Variants in THSD4 observed in about 807,000 individuals in gnomAD.
The protein encoded by THSD4 is thrombospondin type 1 domain containing 4.
A neutral mutation model predicts 119.0 loss-of-function variants in THSD4; 69 were observed. The ratio of observed to expected loss-of-function variants is 0.58; its 90% CI spans 0.48 to 0.71. THSD4 has a LOEUF of 0.71. Ranked by LOEUF, THSD4 falls within the 30% of genes least tolerant of loss-of-function variation. THSD4 has a pLI of 0.00. For synonymous variants in THSD4, 524 were observed against 540.4 expected (o/e 0.97, Z 0.42); for missense variants, 1,393 against 1,391.1 (o/e 1.00, Z -0.02).
At chr15:71,412,184 C>T (rs1350986833) in intron 7 of THSD4, among the ~76,000 whole-genome samples, 4 of 152,146 alleles carry the variant, frequency 2.6e-5, no homozygotes, top group Non-Finnish European at 2.9e-5. Flanking sequence ...AATTGGTTGG[C>T]GTCATGAGGG....
At chr15:71,267,696 G>C (rs1262129382) in intron 6 of THSD4, among the ~76,000 whole-genome samples, 4 of 152,198 alleles carry the variant, frequency 2.6e-5, no homozygotes, top group Non-Finnish European at 5.9e-5. Flanking sequence ...ACCCATCAGT[G>C]TGCTGTATTC....
At chr15:71,208,266 A>G (rs538391468) in intron 3 of THSD4, among the ~76,000 whole-genome samples, 1 of 152,082 alleles carries the variant, frequency 6.6e-6, no homozygotes, top group African/African-American at 2.4e-5. Flanking sequence ...CTTCCTATGG[A>G]TATATATTTA....
chr15:71,349,934 A>G (rs998673878), intron 6 of THSD4, among the ~76,000 whole-genome samples: 2 of 152,130 alleles, frequency 1.3e-5, no homozygotes, highest in African/African-American at 2.4e-5. Context: ...GGTCCATTTC[A>G]GCAGAAGCAA....
intron 14 of THSD4, among the ~76,000 whole-genome samples, chr15:71,749,722 T>TTTATTTATTTATTTAC (rs1294202430): frequency 6.7e-6 from 1 of 148,614 alleles, no homozygotes; most frequent in African/African-American, 2.5e-5. Context: ...TATTTATTTA[T>TTTATTTATTTATTTAC]TTATTTATTT....
At chr15:71,197,791 G>A (rs1407353474) in intron 3 of THSD4, among the ~76,000 whole-genome samples, 1 of 152,130 alleles carries the variant, frequency 6.6e-6, no homozygotes, top group East Asian at 1.9e-4. Context: ...CTGAATACCT[G>A]CTGCCTGTCT....
At chr15:71,566,491 A>G (rs921182840) in intron 7 of THSD4, among the ~76,000 whole-genome samples, 58 of 152,220 alleles carry the variant, frequency 3.8e-4, no homozygotes, top group African/African-American at 1.3e-3. Context: ...ACAGATAACT[A>G]GCTTGCTGAA....
At chr15:71,587,787 T>TAAAAAAAAAAAAAAAA (rs1207231444) in intron 7 of THSD4, among the ~76,000 whole-genome samples, 24 of 105,482 alleles carry the variant, frequency 2.3e-4, no homozygotes, top group Non-Finnish European at 2.5e-4. Flanking sequence ...AAAAAAAAAT[T>TAAAAAAAAAAAAAAAA]AAAAAAAAAA....
At chr15:71,554,654 C>T (rs145393563) in intron 7 of THSD4, among the ~76,000 whole-genome samples, 2,317 of 152,226 alleles carry the variant, frequency 0.015, 24 homozygotes, top group Non-Finnish European at 0.023. Flanking sequence ...CCTCAGACTC[C>T]CCAACTACTA....
intron 7 of THSD4, among the ~76,000 whole-genome samples, chr15:71,586,266 G>C (rs1479400000): frequency 6.6e-6 from 1 of 152,054 alleles, no homozygotes; most frequent in Non-Finnish European, 1.5e-5. Context: ...CTACTATCTT[G>C]CTGATGTCAC....
chr15:71,586,354 C>A (rs997549232), intron 7 of THSD4, among the ~76,000 whole-genome samples: 2 of 152,158 alleles, frequency 1.3e-5, no homozygotes, highest in Admixed American at 6.5e-5. Context: ...GTTTTCTGTT[C>A]ACGGTCTCAC....
At chr15:71,165,224 T>C in intron 3 of THSD4, 4 of 1,552,516 alleles carry the variant, frequency 2.6e-6, no homozygotes, top group Non-Finnish European at 3.6e-6. Flanking sequence ...CTTGTCCACC[T>C]TTGCCATATC....
At chr15:71,573,234 C>T (rs1218690648) in intron 7 of THSD4, among the ~76,000 whole-genome samples, 1 of 152,136 alleles carries the variant, frequency 6.6e-6, no homozygotes, top group Non-Finnish European at 1.5e-5. Context: ...GCCTGACATG[C>T]AGTAGGTGCC....
chr15:71,480,979 A>G (rs1159467708), intron 7 of THSD4, among the ~76,000 whole-genome samples: 2 of 152,204 alleles, frequency 1.3e-5, no homozygotes, highest in Non-Finnish European at 2.9e-5. Context: ...ATTTGGTCCA[A>G]TGTCAAATAG....
At chr15:71,487,975 C>T (rs767961903) in intron 7 of THSD4, among the ~76,000 whole-genome samples, 2 of 151,306 alleles carry the variant, frequency 1.3e-5, no homozygotes. Context: ...AATTTTATTC[C>T]TCCTCATCAA....
At chr15:71,722,757 C>T (rs1363525283) in intron 8 of THSD4, among the ~76,000 whole-genome samples, 1 of 152,194 alleles carries the variant, frequency 6.6e-6, no homozygotes, top group Non-Finnish European at 1.5e-5. Context: ...ATAAATGTCT[C>T]CCTTCTTATC....
At chr15:71,282,327 G>T (rs572553138) in intron 6 of THSD4, among the ~76,000 whole-genome samples, 1 of 152,204 alleles carries the variant, frequency 6.6e-6, no homozygotes, top group South Asian at 2.1e-4. Flanking sequence ...TGGATTAAAA[G>T]TGTTCTCAGA....
intron 4 of THSD4, among the ~76,000 whole-genome samples, chr15:71,228,486 T>C (rs564306522): frequency 6.6e-6 from 1 of 152,324 alleles, no homozygotes; most frequent in African/African-American, 2.4e-5. Context: ...ATCACCAAGT[T>C]TGTGGTACCC....
chr15:71,774,778 G>GAA (rs11317881), intron 17 of THSD4, among the ~76,000 whole-genome samples: 65 of 140,016 alleles, frequency 4.6e-4, no homozygotes, highest in African/African-American at 1.4e-3. Flanking sequence ...CCCCATCTCT[G>GAA]AAAAAAAAAA....
intron 7 of THSD4, among the ~76,000 whole-genome samples, chr15:71,455,334 G>A (rs1284838410): frequency 2.0e-5 from 3 of 152,208 alleles, no homozygotes; most frequent in African/African-American, 7.2e-5. Context: ...ATATTACAGG[G>A]CTTGTCATGT....
Sources: allele counts gnomAD v4.1 joint callset (sites outside exome capture counted in the v4.1 genomes callset), GRCh38; gene constraint gnomAD v4.1.1; transcripts MANE v1.5; gene names NCBI Gene and HGNC (gene_info 2026-07-23, HGNC 2026-07-21).